Variants in SF3A3 observed in about 807,000 individuals in gnomAD.
SF3A3 encodes the protein SAP 61.
SF3A3 carries 9 observed loss-of-function variants against 85.8 expected under a neutral mutation model. That is an observed-to-expected ratio of 0.10 (90% CI 0.06 to 0.18). The LOEUF is 0.18. SF3A3 is among the 10% of genes least tolerant of loss of function. The pLI is 1.00. For missense variants in SF3A3, 306 were observed against 593.3 expected (o/e 0.52, Z 5.03); for synonymous variants, 195 against 204.4 (o/e 0.95, Z 0.39).
At chr1:37,969,309 TG>T in intron 14 of SF3A3, 44 bp downstream of exon 14, 1 of 1,412,004 alleles carries the variant, frequency 7.1e-7, no homozygotes, top group Non-Finnish European at 1.0e-6. Context: ...AAAAGTCTCA[TG>T]TTTTTACTTC....
chr1:37,971,601 A>G (rs1269476772), intron 12 of SF3A3, among the ~76,000 whole-genome samples: 1 of 152,208 alleles, frequency 6.6e-6, no homozygotes, highest in Non-Finnish European at 1.5e-5. Flanking sequence ...CGATCCAAAA[A>G]TCCTCAATAA....
At chr1:37,962,620 A>G (rs1334827294) in intron 15 of SF3A3, among the ~76,000 whole-genome samples, 2 of 151,344 alleles carry the variant, frequency 1.3e-5, no homozygotes, top group African/African-American at 4.8e-5. Context: ...AAAAAAAAAA[A>G]AAAAGAATAT....
intron 9 of SF3A3, 49 bp from the exon 10 acceptor site, chr1:37,979,104 GA>G: frequency 6.6e-7 from 1 of 1,522,416 alleles, no homozygotes; most frequent in South Asian, 1.1e-5. Flanking sequence ...AGATTTTTGG[GA>G]AACCCCAAAT....
chr1:37,964,273 G>A (rs1035461366), intron 15 of SF3A3, among the ~76,000 whole-genome samples: 10 of 152,042 alleles, frequency 6.6e-5, no homozygotes, highest in African/African-American at 2.2e-4. Flanking sequence ...AAAAAATTAC[G>A]TGATAAGTGT....
At chr1:37,978,893 G>A (rs371319120) in intron 10 of SF3A3, 66 bp from the exon 11 acceptor site, 3 of 1,554,748 alleles carry the variant, frequency 1.9e-6, no homozygotes, top group Non-Finnish European at 2.7e-6. Flanking sequence ...TATTTTTGCA[G>A]TGTGGAGCAA....
At chr1:37,971,954 G>A (rs1221973561) in intron 12 of SF3A3, among the ~76,000 whole-genome samples, 1 of 152,176 alleles carries the variant, frequency 6.6e-6, no homozygotes, top group Non-Finnish European at 1.5e-5. Context: ...CACAAGACAG[G>A]GATGCCCTTT....
intron 12 of SF3A3, among the ~76,000 whole-genome samples, chr1:37,970,334 T>TGCAC: frequency 6.8e-6 from 1 of 147,914 alleles, no homozygotes; most frequent in African/African-American, 2.5e-5. Context: ...ATGCACACAA[T>TGCAC]ACAGGAGCAC....
intron 4 of SF3A3, 31 bp downstream of exon 4, chr1:37,987,542 G>C: frequency 6.8e-7 from 1 of 1,465,250 alleles, no homozygotes; most frequent in East Asian, 2.3e-5. Flanking sequence ...TTAAGGATAG[G>C]TCTGGAGAAA....
intron 12 of SF3A3, among the ~76,000 whole-genome samples, chr1:37,971,390 A>C (rs939531607): frequency 2.6e-5 from 4 of 152,194 alleles, no homozygotes; most frequent in African/African-American, 9.7e-5. Context: ...AAAAAAGTCC[A>C]GGACCAGACG....
intron 12 of SF3A3, among the ~76,000 whole-genome samples, chr1:37,970,854 G>A (rs1646340487): frequency 6.6e-6 from 1 of 152,162 alleles, no homozygotes. Flanking sequence ...CGCATTTAAA[G>A]CAGCGTGTAA....
chr1:37,976,105 C>T (rs537238087), intron 12 of SF3A3, among the ~76,000 whole-genome samples: 3 of 151,538 alleles, frequency 2.0e-5, no homozygotes, highest in Admixed American at 6.6e-5. Flanking sequence ...GCAGTGAGCC[C>T]GGATTACACC....
chr1:37,984,190 G>A lies in SF3A3; in HGVS notation c.447C>T (p.Tyr149=). The change falls in exon 6 of 17, where the codon TAC becomes TAT. Residue 149 remains tyrosine, a synonymous_variant. Coordinates refer to ENST00000373019, the MANE Select transcript of SF3A3 (RefSeq NM_006802.4). The part of the protein sequence containing the change: ...YLDLHDCYLK[Y]INLKASEKLD... The stretch of plus-strand genomic sequence containing the variant: ...TTACCTCAGATGCCTTCAGGTTAAT[G>A]TACTTGAGGTAACAGTCATGGAGAT... 1.9e-6 allele frequency: 3 copies of A among 1,606,154 alleles called. No individual in the cohort carries two copies. Among genetic ancestry groups the A allele is most frequent in the Non-Finnish European group, 2.6e-6 (3 of 1,174,066 alleles).
At chr1:37,963,973 G>C (rs571841510) in intron 15 of SF3A3, among the ~76,000 whole-genome samples, 1 of 151,146 alleles carries the variant, frequency 6.6e-6, no homozygotes, top group African/African-American at 2.4e-5. Context: ...TGAGGTCAGA[G>C]ATCAAGACCA....
chr1:37,957,884 T>C lies in SF3A3; in HGVS notation c.*302A>G. The C allele has an allele frequency of 3.3e-6, 1 of 300,646 alleles. No homozygotes were observed. The highest frequency in any genetic ancestry group is 6.1e-6 in the Non-Finnish European group (1 of 162,636). 18.6% of individuals were successfully genotyped at this position (300,646 alleles called of 1,614,324 possible). On this transcript the variant is annotated 3_prime_UTR_variant, in exon 17 of 17. Coordinates refer to ENST00000373019, the MANE Select transcript of SF3A3 (RefSeq NM_006802.4). ...TAGGTGCCCATTAAATCTCAGCTACTAGTAAAGTTGGTGAGGAAGAGGTAT... is the reference window on the plus strand; with the variant it reads ...TAGGTGCCCATTAAATCTCAGCTACCAGTAAAGTTGGTGAGGAAGAGGTAT...
At chr1:37,968,395 C>T (rs542406068) in intron 14 of SF3A3, among the ~76,000 whole-genome samples, 1 of 152,268 alleles carries the variant, frequency 6.6e-6, no homozygotes, top group East Asian at 1.9e-4. Context: ...TACATAAAAC[C>T]TCTGGGTCAA....
chr1:37,973,543 A>G (rs1480783960), intron 12 of SF3A3, among the ~76,000 whole-genome samples: 1 of 152,212 alleles, frequency 6.6e-6, no homozygotes, highest in Non-Finnish European at 1.5e-5. Context: ...ACCATCTCAC[A>G]CCAGTTAGAA....
In SF3A3 at chr1:37,984,225, G is replaced by A. The variant is rs1460665730; in HGVS notation, c.412C>T (p.Arg138Cys). 6 of 1,608,688 alleles carry A rather than the reference G, an allele frequency of 3.7e-6. No individual in the cohort carries two copies. The highest frequency in any genetic ancestry group is 5.1e-6 in the Non-Finnish European group (6 of 1,176,034). ...TAACAGTCATGGAGATCGAGATAAC[G>A]ACCATATCCCTCTTCATCTGTGAAC... is the stretch of plus-strand genomic sequence containing the variant. ...VEFTDEEGYG[R>C]YLDLHDCYLK... Residue 138 changes from arginine to cysteine, a missense_variant, in exon 6 of 17, where the codon CGT becomes TGT. Transcript: ENST00000373019.
intron 8 of SF3A3, among the ~76,000 whole-genome samples, chr1:37,980,126 C>CA (rs1170065427): frequency 3.8e-5 from 1 of 26,408 alleles, no homozygotes; most frequent in Non-Finnish European, 6.1e-5. Context: ...AAAGTACACT[C>CA]AAAAAAACTC....
In SF3A3 at chr1:37,966,976, G is replaced by A. The variant is rs185203599; in HGVS notation, c.1372+1068C>T. On this transcript the variant is annotated intron_variant, in intron 15 of 16. Coordinates refer to ENST00000373019, the MANE Select transcript of SF3A3 (RefSeq NM_006802.4). ...AAAAAAAAAAATGCAATAATTAGGC[G>A]CGGTGGCTCACGCCTGTTATCCCAG... Among the ~76,000 whole-genome samples the A allele has an allele frequency of 5.4e-4, 66 of 122,698 alleles. No individual in the cohort carries two copies. The East Asian group carries it at 0.015, about 27-fold the overall frequency. The allele number at this position is 122,698 out of a possible 152,430, so 80.5% of individuals were successfully genotyped here.
Sources: gnomAD v4.1 joint callset for allele counts (sites outside exome capture counted in the v4.1 genomes callset) on GRCh38, gnomAD v4.1.1 for gene constraint, MANE v1.5 for transcripts, NCBI Gene and HGNC (gene_info 2026-07-23, HGNC 2026-07-21) for gene names.